Variants in JMJD4 observed in about 807,000 individuals in gnomAD.
JMJD4 encodes the protein jumonji domain containing 4.
Under a neutral mutation model 36.3 loss-of-function variants are expected in JMJD4, and 34 were observed. The observed-to-expected ratio is 0.94, with a 90% CI of 0.71 to 1.25. The LOEUF (loss-of-function observed/expected upper bound fraction) is 1.25. JMJD4 is among the 50% of genes most tolerant of loss of function. The pLI is 0.00. For missense variants in JMJD4, 584 were observed against 559.1 expected, an observed-to-expected ratio of 1.04 and a Z score of -0.45; for synonymous variants, 269 against 235.3, an observed-to-expected ratio of 1.14 and a Z score of -1.31.
At chr1:227,734,401 G>T in intron 2 of JMJD4, 3 of 296,728 alleles carry the variant, frequency 1.0e-5, no homozygotes, top group Non-Finnish European at 1.2e-5. Context: ...ACGCCTTCCT[G>T]TAATCCCAGG....
Position 227,735,023 on chromosome 1 carries a change from A to G in JMJD4, c.251T>C (p.Leu84Pro), listed in dbSNP as rs1203241290. ...PAGRPDFDHL[L>P]RTYGDVVVPV... is the part of the protein sequence containing the mutation. ...GGCCGCCGCCCCACCGTAGGTCCGT[A>G]GCAGGTGGTCGAAGTCGGGCCTCCC... Residue 84 changes from leucine (L) to proline (P), a missense_variant, in exon 1 of 6, where the codon CTA becomes CCA. By Grantham distance (98) the Leu-to-Pro change is moderately conservative. Coordinates refer to ENST00000620518, the MANE Select transcript of JMJD4 (RefSeq NM_023007.3). The G allele has an allele frequency of 3.9e-6, 6 of 1,551,272 alleles. No homozygotes were observed. The highest frequency in any genetic ancestry group is 2.3e-4 in the Middle Eastern group (1 of 4,414).
Position 227,733,937 on chromosome 1 carries a change from C to G in JMJD4, c.524G>C (p.Arg175Pro), listed in dbSNP as rs754427814. 6.2e-7 allele frequency: 1 copy of G among 1,613,886 alleles called. No homozygotes were observed. Among genetic ancestry groups the G allele is most frequent in the East Asian group, 2.2e-5 (1 of 44,878 alleles). Residue 175 changes from arginine (R) to proline (P), a missense_variant, in exon 3 of 6, where the codon CGC (arginine) becomes CCC (proline). Arg to Pro is a moderately radical substitution (Grantham distance 103, BLOSUM62 -2). Transcript: ENST00000620518. ...FWDALDVDDY[R>P]FVYAGPAGSW... Reference sequence around the variant, plus strand: ...GCCCGCAGGCCCCGCGTAGACAAAGCGGTAGTCATCCACATCCAGTGCATC... The same window carrying G: ...GCCCGCAGGCCCCGCGTAGACAAAGGGGTAGTCATCCACATCCAGTGCATC...
chr1:227,732,258 C>T lies in JMJD4; in HGVS notation c.*134G>A. 1 of 1,041,852 alleles carries T rather than the reference C, an allele frequency of 9.6e-7. No homozygotes were observed. The highest frequency in any genetic ancestry group is 1.4e-6 in the Non-Finnish European group (1 of 698,320). The allele number at this position is 1,041,852 out of a possible 1,614,324, so 64.5% of individuals were successfully genotyped here. A position where few individuals can be genotyped will look rare whatever the true frequency, so the allele number is the denominator to read the frequency against. On this transcript the variant is annotated 3_prime_UTR_variant, in exon 6 of 6. Transcript: ENST00000620518. ...CTGAAAACAGGCACCCAGGCAGTGGCCATGAACAGCCAGGCCACAAGCCTC... is the reference window on the plus strand; with the variant it reads ...CTGAAAACAGGCACCCAGGCAGTGGTCATGAACAGCCAGGCCACAAGCCTC...
In JMJD4 at chr1:227,732,409, CAT is replaced by C; in HGVS notation, c.1235_1236del (p.Asp412GlyfsTer30). 1.9e-6 allele frequency: 3 copies of C among 1,612,770 alleles called. No individual in the cohort carries two copies. Among genetic ancestry groups the C allele is most frequent in the Non-Finnish European group, 2.5e-6 (3 of 1,180,014 alleles). Reference sequence around the variant, plus strand: ...GACAGGTGCTATGGGGCCGCAGCAGCATCAACAGCCTCTCTCAGCTGCTGCAG... The same window carrying C: ...GACAGGTGCTATGGGGCCGCAGCAGCCAACAGCCTCTCTCAGCTGCTGCAG... ...ELLQQLREAV[D>X]AAAAP On this transcript the variant is annotated frameshift_variant, in exon 6 of 6. Transcript: ENST00000620518. LOFTEE classifies it high-confidence loss of function.
rs747175835 is a variant in JMJD4 at position 227,732,876 on chromosome 1, C to T, written c.969+5G>A. ...GAGGGTAGCCTCCATGCGTAGCCACCCCACCTGGCAGTGGTGGTGCCAGTC... is the reference window on the plus strand; with the variant it reads ...GAGGGTAGCCTCCATGCGTAGCCACTCCACCTGGCAGTGGTGGTGCCAGTC... On this transcript the variant is annotated splice_donor_5th_base_variant and intron_variant, in intron 5 of 5. Transcript: ENST00000620518. The T allele has an allele frequency of 1.3e-4, 209 of 1,612,304 alleles. No homozygotes were observed. The highest frequency in any genetic ancestry group is 1.7e-4 in the Non-Finnish European group (197 of 1,179,990).
chr1:227,731,295 C>T lies in JMJD4; in HGVS notation c.*1097G>A, dbSNP rs1334650748. 6.6e-6 allele frequency: 1 copy of T among 152,324 alleles called. No individual in the cohort carries two copies. 9.4% of individuals were successfully genotyped at this position (152,324 alleles called of 1,614,324 possible). A position where few individuals can be genotyped will look rare whatever the true frequency, so the allele number is the denominator to read the frequency against. ...TTCACTGAACAGAGCAGACAGAAAC[C>T]CCTGCCCTTCTTGGGGGCTTCCATC... On this transcript the variant is annotated 3_prime_UTR_variant, in exon 6 of 6. Coordinates refer to ENST00000620518, the MANE Select transcript of JMJD4 (RefSeq NM_023007.3).
Position 227,735,282 on chromosome 1 carries a change from G to A in JMJD4, c.-9C>T. On this transcript the variant is annotated 5_prime_UTR_variant, in exon 1 of 6. Coordinates refer to ENST00000620518, the MANE Select transcript of JMJD4 (RefSeq NM_023007.3). ...CGCGTCTCGCGGTCCATCCAGCTCA[G>A]CACGGGTCGAAGGACCCTCCTCCTC... The A allele has an allele frequency of 6.2e-7, 1 of 1,606,424 alleles. No individual in the cohort carries two copies. The highest frequency in any genetic ancestry group is 8.5e-7 in the Non-Finnish European group (1 of 1,177,722).
intron 1 of JMJD4, 88 bp downstream of exon 1, chr1:227,734,924 C>T (rs553006780): frequency 3.5e-5 from 54 of 1,525,648 alleles, no homozygotes; most frequent in Non-Finnish European, 4.3e-5. Context: ...CCTCACCCTC[C>T]CTGGTGCCCC....
chr1:227,733,681 C>G lies in JMJD4; in HGVS notation c.555G>C (p.Trp185Cys). 3 of 1,599,976 alleles carry G rather than the reference C, an allele frequency of 1.9e-6. No homozygotes were observed. The highest frequency in any genetic ancestry group is 1.7e-6 in the Non-Finnish European group (2 of 1,179,850). The change falls in exon 4 of 6, where the codon TGG becomes TGC. Residue 185 changes from tryptophan (W) to cysteine (C), a missense_variant and splice_region_variant. By Grantham distance (215) the Trp-to-Cys change is radical. Transcript: ENST00000620518. ...GGAAGATGTCAGCATGGAACGGGGA[C>G]CTGCGGCAGCAAGAGCGCCTGGTTC... ...RFVYAGPAGS[W>C]SPFHADIFRS...
Position 227,735,178 on chromosome 1 carries a change from G to C in JMJD4, c.96C>G (p.Phe32Leu). ...AGGAGAAGGCGCCCGGCTCCGAGAC[G>C]AAGGCTACCCGGCCCGGAGCCTGGC... ...GVGQAPGRVA[F>L]VSEPGAFSYA... The change falls in exon 1 of 6, where the codon TTC becomes TTG. Residue 32 changes from phenylalanine to leucine, a missense_variant. By Grantham distance (22) the Phe-to-Leu change is conservative. Transcript: ENST00000620518. 1 of 1,581,210 alleles carries C rather than the reference G, an allele frequency of 6.3e-7. No homozygotes were observed. Among genetic ancestry groups the C allele is most frequent in the South Asian group, 1.1e-5 (1 of 87,168 alleles).
Position 227,733,078 on chromosome 1 carries a change from G to C in JMJD4, c.823-51C>G, listed in dbSNP as rs1660780575. On this transcript the variant is annotated intron_variant, in intron 4 of 5. Transcript: ENST00000620518. ...CCTGAGCCCATGGCAGGTGCCCCCT[G>C]ACCAACCCACATCTCCTGCGCCAGG... 4 of 1,597,046 alleles carry C rather than the reference G, an allele frequency of 2.5e-6. No homozygotes were observed. In the East Asian group the frequency reaches 9.0e-5, roughly 36 times the overall value.
In JMJD4 at chr1:227,733,968, A is replaced by C. The variant is rs979882447; in HGVS notation, c.493T>G (p.Phe165Val). ...TCATCCACATCCAGTGCATCCCAGA[A>C]CTCATTCAGCCAGTCGGACGAGAAG... is the stretch of plus-strand genomic sequence containing the variant. ...VYFSSDWLNE[F>V]WDALDVDDYR... The change falls in exon 3 of 6, where the codon TTC becomes GTC. Residue 165 changes from phenylalanine to valine, a missense_variant. Physicochemically the swap from Phe to Val is conservative, Grantham distance 50. Transcript: ENST00000620518. 3 of 1,613,728 alleles carry C rather than the reference A, an allele frequency of 1.9e-6. No homozygotes were observed. In the African/African-American group the frequency reaches 4.0e-5, roughly 22 times the overall value.
Position 227,734,833 on chromosome 1 carries a change from G to A in JMJD4, c.263-17C>T, listed in dbSNP as rs1660961865. 4.3e-6 allele frequency: 7 copies of A among 1,612,978 alleles called. No homozygotes were observed. In the South Asian group the frequency reaches 7.7e-5, roughly 18 times the overall value. On this transcript the variant is annotated splice_polypyrimidine_tract_variant and intron_variant, in intron 1 of 5. Transcript: ENST00000620518. The stretch of plus-strand genomic sequence containing the variant: ...CCACGTCTCCTGAAATGAAAGGCAC[G>A]GTCCATGCCATCTCCCTGGGCCCCG...
chr1:227,733,089 A>C, intron 4 of JMJD4, 62 bp from the exon 5 acceptor site: 1 of 1,566,914 alleles, frequency 6.4e-7, no homozygotes, highest in Non-Finnish European at 8.7e-7. Context: ...ACCAACCCAC[A>C]TCTCCTGCGC....
chr1:227,734,486 T>C, intron 2 of JMJD4, 165 bp downstream of exon 2: 1 of 610,132 alleles, frequency 1.6e-6, no homozygotes, highest in Non-Finnish European at 2.8e-6. Flanking sequence ...AGAACAACAC[T>C]TGCAGCCATG....
In JMJD4 at chr1:227,732,974, G is replaced by T. The variant is rs1019583806; in HGVS notation, c.876C>A (p.Asn292Lys). Reference sequence around the variant, plus strand: ...GCTCCTGCTGCAAGAAGCGCCACATGTTGGCCAGGTTGAAGCCATTGACCC... The same window carrying T: ...GCTCCTGCTGCAAGAAGCGCCACATTTTGGCCAGGTTGAAGCCATTGACCC... ...HNWVNGFNLA[N>K]MWRFLQQELC... The change falls in exon 5 of 6, where the codon AAC becomes AAA. Residue 292 changes from asparagine (N) to lysine (K), a missense_variant. Asn to Lys is a moderately conservative substitution (Grantham distance 94). Transcript: ENST00000620518. The T allele has an allele frequency of 3.1e-6, 5 of 1,613,282 alleles. No individual in the cohort carries two copies. Among genetic ancestry groups the T allele is most frequent in the East Asian group, 2.2e-5 (1 of 44,890 alleles).
chr1:227,732,428 C>A lies in JMJD4; in HGVS notation c.1218G>T (p.Gln406His). ...CAGCAGCATCAACAGCCTCTCTCAGCTGCTGCAGCAGCTCTTTGGGCTGTG... is the reference window on the plus strand; with the variant it reads ...CAGCAGCATCAACAGCCTCTCTCAGATGCTGCAGCAGCTCTTTGGGCTGTG... Reference protein sequence around the residue: ...FSPQPKELLQQLREAVDAAAA... With the variant: ...FSPQPKELLQHLREAVDAAAA... Residue 406 changes from glutamine (Q) to histidine (H), a missense_variant, in exon 6 of 6, where the codon CAG (glutamine) becomes CAT (histidine). Coordinates refer to ENST00000620518, the MANE Select transcript of JMJD4 (RefSeq NM_023007.3). 1 of 1,613,050 alleles carries A rather than the reference C, an allele frequency of 6.2e-7. No homozygotes were observed. The highest frequency in any genetic ancestry group is 8.5e-7 in the Non-Finnish European group (1 of 1,179,922).
In JMJD4 at chr1:227,732,565, C is replaced by G; in HGVS notation, c.1081G>C (p.Ala361Pro). ...GCTGCCTGTTCGAAACCCAACCCAG[C>G]ACCGTCCTCAGCGGCTGCCTCCCTC... ...VLREAAAEDG[A>P]GLGFEQAAFD... Residue 361 changes from alanine (A) to proline (P), a missense_variant, in exon 6 of 6, where the codon GCT becomes CCT. Physicochemically the swap from Ala to Pro is conservative, Grantham distance 27 (BLOSUM62 -1). Coordinates refer to ENST00000620518, the MANE Select transcript of JMJD4 (RefSeq NM_023007.3). The G allele has an allele frequency of 6.2e-7, 1 of 1,613,508 alleles. No homozygotes were observed. Among genetic ancestry groups the G allele is most frequent in the Non-Finnish European group, 8.5e-7 (1 of 1,180,040 alleles).
At position 227,732,378 on chromosome 1, in the gene JMJD4, C is replaced by A. The variant is rs1208157108; in HGVS notation, c.*14G>T. The A allele has an allele frequency of 1.2e-6, 2 of 1,610,160 alleles. No homozygotes were observed. Among genetic ancestry groups the A allele is most frequent in the African/African-American group, 2.7e-5 (2 of 74,870 alleles). On this transcript the variant is annotated 3_prime_UTR_variant, in exon 6 of 6. Transcript: ENST00000620518. ...GCCTCTCTTCCACCCGTCCTTCTAT[C>A]CTCACGACAGGTGCTATGGGGCCGC...
Sources: allele counts gnomAD v4.1 joint callset, GRCh38; gene constraint gnomAD v4.1.1; transcripts MANE v1.5; gene names NCBI Gene and HGNC (gene_info 2026-07-23, HGNC 2026-07-21).